ECE1: variants seen among roughly 807,000 people sequenced by gnomAD.
ECE1 encodes the protein endothelin-converting enzyme 1.
Under a neutral mutation model 98.6 loss-of-function variants are expected in ECE1, and 35 were observed. That is an observed-to-expected ratio of 0.35 (90% CI 0.27 to 0.47). The LOEUF (loss-of-function observed/expected upper bound fraction) is 0.47, where lower values mean the gene tolerates loss of function less well. ECE1 is among the 20% of genes least tolerant of loss of function. The probability of loss-of-function intolerance (pLI) is 1.00; values close to 1 mark genes in which losing one functional copy is unlikely to be tolerated. For missense variants in ECE1, 814 were observed against 1,025.3 expected, an observed-to-expected ratio of 0.79 and a Z score of 2.81; for synonymous variants, 394 against 407.1, an observed-to-expected ratio of 0.97 and a Z score of 0.39.
rs570725345 is a variant in ECE1 at position 21,301,322 on chromosome 1, G to A, written c.4-11166C>T. 8.6e-5 allele frequency among the ~76,000 whole-genome samples: 13 copies of A among 151,920 alleles called. No individual in the cohort carries two copies. In the South Asian group the frequency reaches 1.5e-3, roughly 17 times the overall value. Reference sequence around the variant, plus strand: ...ATCCTGGCTAACACGGTGAAACCCCGTCTCTACTAAAAATACAAAAAATTA... The same window carrying A: ...ATCCTGGCTAACACGGTGAAACCCCATCTCTACTAAAAATACAAAAAATTA... On this transcript the variant is annotated intron_variant, in intron 1 of 18. Transcript: ENST00000415912.
In ECE1 at chr1:21,271,574, G is replaced by C. The variant is rs577587939; in HGVS notation, c.493+1125C>G. 2.6e-5 allele frequency among the ~76,000 whole-genome samples: 4 copies of C among 152,272 alleles called. No homozygotes were observed. In the South Asian group the frequency reaches 6.2e-4, roughly 24 times the overall value. On this transcript the variant is annotated intron_variant, in intron 4 of 18. Coordinates refer to ENST00000374893, the MANE Select transcript of ECE1 (RefSeq NM_001397.3). ...CATTTAGGGTCCCAGGATGGAGCAG[G>C]GGACAGCAGCAGAGGGAGACAGCCA... is the stretch of plus-strand genomic sequence containing the variant.
At chr1:21,267,862 G>A (rs1445965303) in intron 4 of ECE1, among the ~76,000 whole-genome samples, 4 of 152,268 alleles carry the variant, frequency 2.6e-5, no homozygotes, top group East Asian at 3.9e-4. Context: ...AAATACGAGC[G>A]ATGTCACAGG....
At chr1:21,275,045 T>C (rs2098244925) in intron 3 of ECE1, among the ~76,000 whole-genome samples, 1 of 152,178 alleles carries the variant, frequency 6.6e-6, no homozygotes, top group South Asian at 2.1e-4. Context: ...TATAACTCCA[T>C]ACTTAGAGAA....
chr1:21,227,840 A>C, intron 15 of ECE1, 91 bp downstream of exon 15: 1 of 1,030,740 alleles, frequency 9.7e-7, no homozygotes, highest in South Asian at 1.4e-5. Context: ...ACTGGGGCAA[A>C]GATCACATGG....
At chr1:21,229,759 G>A (rs2098179374) in intron 14 of ECE1, among the ~76,000 whole-genome samples, 1 of 152,138 alleles carries the variant, frequency 6.6e-6, no homozygotes, top group African/African-American at 2.4e-5. Flanking sequence ...AGATCTGTAA[G>A]ACTCAGTGAA....
intron 7 of ECE1, chr1:21,256,772 G>A (rs1036347867): frequency 2.1e-4 from 32 of 153,690 alleles, no homozygotes; most frequent in African/African-American, 4.6e-4. Flanking sequence ...CCCCCCACCC[G>A]TGTTCCAAGA....
Position 21,258,605 on chromosome 1 carries a change from C to G in ECE1, c.762+88G>C, listed in dbSNP as rs2098222900. The G allele has an allele frequency of 6.9e-7, 1 of 1,455,902 alleles. No homozygotes were observed. The allele number at this position is 1,455,902 out of a possible 1,614,324, so 90.2% of individuals were successfully genotyped here. On this transcript the variant is annotated intron_variant, in intron 6 of 18. Transcript: ENST00000374893. This position sits in a 1 kb window ranked among gnomAD's most constrained non-coding sequence, Gnocchi z 4.2. Reference sequence around the variant, plus strand: ...AGACCGCCGTCCCACCCAGGGCAAGCCCCTCTCCCACCCCAGGTCCTGCTA... The same window carrying G: ...AGACCGCCGTCCCACCCAGGGCAAGGCCCTCTCCCACCCCAGGTCCTGCTA...
chr1:21,266,058 T>G (rs1237324603), intron 4 of ECE1: 1 of 152,200 alleles, frequency 6.6e-6, no homozygotes, highest in African/African-American at 2.4e-5. Flanking sequence ...CTTCTTCCTC[T>G]GGGAGTTTTC....
At chr1:21,317,132 A>C (rs1294017451) in intron 1 of ECE1, among the ~76,000 whole-genome samples, 1 of 152,072 alleles carries the variant, frequency 6.6e-6, no homozygotes, top group Non-Finnish European at 1.5e-5. Flanking sequence ...CTTACATACC[A>C]GTGTTTGGTT....
At chr1:21,344,492 G>A (rs1400699443) in intron 1 of ECE1, among the ~76,000 whole-genome samples, 1 of 152,236 alleles carries the variant, frequency 6.6e-6, no homozygotes, top group Admixed American at 6.5e-5. Context: ...TTCCCGTGAT[G>A]GAGAGGCCGG....
At position 21,340,574 on chromosome 1, in the gene ECE1, C is replaced by T. The variant is rs960568109; in HGVS notation, c.3+4802G>A. ...CCTCAGTAGGCTGGGTGCGGTGGCT[C>T]ACACCTGTAATCCCAGCACTGTGGG... On this transcript the variant is annotated intron_variant, in intron 1 of 18. Coordinates refer to the ECE1 transcript ENST00000415912. This position sits in a 1 kb window ranked among gnomAD's most constrained non-coding sequence, Gnocchi z 4.6. Among the ~76,000 whole-genome samples, 1 of 152,220 alleles carries T rather than the reference C, an allele frequency of 6.6e-6. No homozygotes were observed. Among genetic ancestry groups the T allele is most frequent in the African/African-American group, 2.4e-5 (1 of 41,454 alleles).
At chr1:21,333,343 C>CG (rs1199430234) in intron 1 of ECE1, among the ~76,000 whole-genome samples, 65 of 63,780 alleles carry the variant, frequency 1.0e-3, no homozygotes, top group East Asian at 7.3e-3. Flanking sequence ...GTGGGGGGGG[C>CG]GGGGGGGTGG....
intron 1 of ECE1, among the ~76,000 whole-genome samples, chr1:21,300,815 G>T (rs1480953087): frequency 2.0e-5 from 3 of 152,046 alleles, no homozygotes; most frequent in African/African-American, 7.2e-5. Context: ...GACTACATAG[G>T]TTCAAGTCTC....
chr1:21,273,390 T>C (rs1186867007), intron 3 of ECE1, among the ~76,000 whole-genome samples: 3 of 148,696 alleles, frequency 2.0e-5, no homozygotes, highest in African/African-American at 5.0e-5. Flanking sequence ...TGTAGGGTAC[T>C]GGGGTATTGG....
upstream of ECE1, among the ~76,000 whole-genome samples, chr1:21,291,027 G>C (rs903770364): frequency 1.3e-5 from 2 of 152,082 alleles, no homozygotes; most frequent in African/African-American, 4.8e-5. Flanking sequence ...CAAAGGTGTC[G>C]CCCTCCCTGC....
chr1:21,342,068 G>A (rs1205900592), intron 1 of ECE1, among the ~76,000 whole-genome samples: 1 of 152,174 alleles, frequency 6.6e-6, no homozygotes, highest in Non-Finnish European at 1.5e-5. Flanking sequence ...GCTGACCCAA[G>A]GTCACACAGC....
chr1:21,312,072 G>A (rs998545457), intron 1 of ECE1, among the ~76,000 whole-genome samples: 1 of 149,116 alleles, frequency 6.7e-6, no homozygotes, highest in Non-Finnish European at 1.5e-5. Context: ...GCAGTGAACT[G>A]AGATCATGCC....
intron 2 of ECE1, among the ~76,000 whole-genome samples, chr1:21,282,840 G>GA (rs2098256385): frequency 6.6e-6 from 1 of 151,412 alleles, no homozygotes; most frequent in Non-Finnish European, 1.5e-5. Context: ...ATAGGAAAGG[G>GA]AAAAAAGAAC....
chr1:21,317,768 A>G (rs1638862719), intron 1 of ECE1, among the ~76,000 whole-genome samples: 1 of 151,960 alleles, frequency 6.6e-6, no homozygotes, highest in African/African-American at 2.4e-5. Context: ...TTGCATCCAA[A>G]CAGATCCTCT....
Sources: gnomAD v4.1 joint callset for allele counts (sites outside exome capture counted in the v4.1 genomes callset) on GRCh38, gnomAD v4.1.1 for gene constraint, Gnocchi (gnomAD v3.1) non-coding constraint, MANE v1.5 for transcripts, NCBI Gene and HGNC (gene_info 2026-07-23, HGNC 2026-07-21) for gene names.